DCDC2C: variants seen among roughly 807,000 people sequenced by gnomAD.
DCDC2C encodes doublecortin domain containing 2C, also known as doublecortin domain-containing protein 2C.
Under a neutral mutation model 45.0 loss-of-function variants are expected in DCDC2C, and 44 were observed. That is an observed-to-expected ratio of 0.98 (90% CI 0.77 to 1.26). The LOEUF (loss-of-function observed/expected upper bound fraction) is 1.26, where lower values mean the gene tolerates loss of function less well. Among genes scored for constraint, DCDC2C ranks in the 50% most tolerant of loss-of-function variants. The pLI is 0.00. For synonymous variants in DCDC2C, 187 were observed against 178.8 expected, an observed-to-expected ratio of 1.05 and a Z score of -0.37; for missense variants, 447 against 468.9, an observed-to-expected ratio of 0.95 and a Z score of 0.43.
Position 3,821,368 on chromosome 2 carries a change from GT to G in DCDC2C, c.1066-25777del, listed in dbSNP as rs200131147. 1.5e-4 allele frequency among the ~76,000 whole-genome samples: 23 copies of G among 151,634 alleles called. No homozygotes were observed. The East Asian group carries it at 4.3e-3, about 28-fold the overall frequency. ...TGTCTGTAAATCAAGACCATATTAT[GT>G]TTTTTTTTCCTATGTGGATGCTTTA... On this transcript the variant is annotated intron_variant, in intron 10 of 10. Coordinates refer to ENST00000399143, the MANE Select transcript of DCDC2C (RefSeq NM_001287444.2).
At chr2:3,844,360 C>T (rs1268439288) in intron 10 of DCDC2C, 1 of 152,820 alleles carries the variant, frequency 6.5e-6, no homozygotes, top group Non-Finnish European at 1.5e-5. Context: ...CACAGCTGTC[C>T]TCAGGACAGC....
At chr2:3,844,615 G>A (rs553757075) in intron 10 of DCDC2C, 4 of 152,242 alleles carry the variant, frequency 2.6e-5, no homozygotes, top group African/African-American at 4.8e-5. Flanking sequence ...AAATAAAAGC[G>A]GACATTTTTT....
At position 3,826,112 on chromosome 2, in the gene DCDC2C, G is replaced by C. The variant is rs551441654; in HGVS notation, c.1066-21042G>C. ...ATATATTCTGTAATAACCCAGCCAT[G>C]GATGAAAATACTTGTAAGATCCTCT... is the stretch of plus-strand genomic sequence containing the variant. On this transcript the variant is annotated intron_variant, in intron 10 of 10. Transcript: ENST00000399143. 3.3e-5 allele frequency among the ~76,000 whole-genome samples: 5 copies of C among 152,306 alleles called. No homozygotes were observed. The South Asian group carries it at 1.0e-3, about 32-fold the overall frequency.
At chr2:3,751,378 C>A (rs778676154) in intron 4 of DCDC2C, among the ~76,000 whole-genome samples, 49 of 152,230 alleles carry the variant, frequency 3.2e-4, no homozygotes, top group Non-Finnish European at 6.3e-4. Context: ...CATTGGGTTT[C>A]CCATGGAAGC....
chr2:3,744,835 G>A (rs548236455), intron 4 of DCDC2C, among the ~76,000 whole-genome samples: 1 of 152,280 alleles, frequency 6.6e-6, no homozygotes, highest in Non-Finnish European at 1.5e-5. Flanking sequence ...AGATGTTTGT[G>A]CACAAGTCTG....
intron 10 of DCDC2C, among the ~76,000 whole-genome samples, chr2:3,824,744 C>T (rs959250138): frequency 6.6e-6 from 1 of 152,076 alleles, no homozygotes; most frequent in Non-Finnish European, 1.5e-5. Context: ...TTGCCCCTTC[C>T]CTAGCTGTAG....
Position 3,847,873 on chromosome 2 carries a change from C to G in DCDC2C, c.*690C>G, listed in dbSNP as rs1166288746. Reference sequence around the variant, plus strand: ...CCCCCTTCACTCTCTCTCTCCTGCTCTGCCATGTGAAAAAGATTCTTGCTT... The same window carrying G: ...CCCCCTTCACTCTCTCTCTCCTGCTGTGCCATGTGAAAAAGATTCTTGCTT... On this transcript the variant is annotated 3_prime_UTR_variant, in exon 11 of 11. Coordinates refer to ENST00000399143, the MANE Select transcript of DCDC2C (RefSeq NM_001287444.2). 6.6e-6 allele frequency among the ~76,000 whole-genome samples: 1 copy of G among 152,124 alleles called. No individual in the cohort carries two copies. Among genetic ancestry groups the G allele is most frequent in the African/African-American group, 2.4e-5 (1 of 41,426 alleles).
At chr2:3,828,211 G>C (rs572294594) in intron 10 of DCDC2C, among the ~76,000 whole-genome samples, 1 of 152,334 alleles carries the variant, frequency 6.6e-6, no homozygotes, top group Non-Finnish European at 1.5e-5. Context: ...AACCTTGCCA[G>C]ATGGTTATTC....
At chr2:3,800,778 T>C (rs1020867311) in intron 10 of DCDC2C, among the ~76,000 whole-genome samples, 3 of 126,482 alleles carry the variant, frequency 2.4e-5, no homozygotes, top group African/African-American at 7.6e-5. Context: ...GACATTGGCA[T>C]TTTCTCAAAC....
intron 4 of DCDC2C, among the ~76,000 whole-genome samples, chr2:3,744,539 G>A (rs13390246): frequency 6.6e-6 from 1 of 152,294 alleles, no homozygotes; most frequent in Non-Finnish European, 1.5e-5. Flanking sequence ...GGAAAACGCC[G>A]TGCAGCAAGG....
chr2:3,814,894 C>T (rs527737661), intron 10 of DCDC2C, among the ~76,000 whole-genome samples: 1 of 152,370 alleles, frequency 6.6e-6, no homozygotes, highest in South Asian at 2.1e-4. Context: ...TTCCCTGGCT[C>T]CATCAGGGGA....
chr2:3,734,899 G>A lies in DCDC2C; in HGVS notation c.417-7021G>A, dbSNP rs1421743282. On this transcript the variant is annotated intron_variant, in intron 3 of 10. Transcript: ENST00000399143. This position sits in a 1 kb window ranked among gnomAD's most constrained non-coding sequence, Gnocchi z 4.2. ...TCATGAAAGTGTCTTTAGATAGGGGGTTCCTTACTCCCGGGTCCAGGGATG... is the reference window on the plus strand; with the variant it reads ...TCATGAAAGTGTCTTTAGATAGGGGATTCCTTACTCCCGGGTCCAGGGATG... Among the ~76,000 whole-genome samples, 2 of 152,142 alleles carry A rather than the reference G, an allele frequency of 1.3e-5. No individual in the cohort carries two copies. The highest frequency in any genetic ancestry group is 6.5e-5 in the Admixed American group (1 of 15,284).
In DCDC2C at chr2:3,762,162, C is replaced by CTTTTTT. The variant is rs56067833; in HGVS notation, c.727-5582_727-5577dup. On this transcript the variant is annotated intron_variant, in intron 6 of 10. Transcript: ENST00000399143. ...TTGATCCATGTTTTCTTGCTTGAAC[C>CTTTTTT]TTTTTTTTTTTTTTTAACCAAGTGC... is the stretch of plus-strand genomic sequence containing the variant. Among the ~76,000 whole-genome samples the CTTTTTT allele has an allele frequency of 8.1e-4, 103 of 127,654 alleles. 11 individuals are homozygous for CTTTTTT. The South Asian group carries it at 8.6e-3, about 11-fold the overall frequency. The allele number at this position is 127,654 out of a possible 152,430, so 83.7% of individuals were successfully genotyped here.
At chr2:3,731,249 A>G (rs1411134886) in intron 3 of DCDC2C, among the ~76,000 whole-genome samples, 1 of 152,176 alleles carries the variant, frequency 6.6e-6, no homozygotes, top group Non-Finnish European at 1.5e-5. Context: ...GAACCCACTT[A>G]AGACGGCTTC....
At chr2:3,792,510 A>T (rs1171073005) in intron 10 of DCDC2C, among the ~76,000 whole-genome samples, 1 of 152,176 alleles carries the variant, frequency 6.6e-6, no homozygotes, top group Non-Finnish European at 1.5e-5. Flanking sequence ...AACTTTTAAG[A>T]TATATGAATT....
intron 10 of DCDC2C, among the ~76,000 whole-genome samples, chr2:3,838,799 G>A (rs1672143617): frequency 6.6e-6 from 1 of 152,188 alleles, no homozygotes; most frequent in African/African-American, 2.4e-5. Flanking sequence ...AAACATGTAT[G>A]CCTTTTGAAC....
chr2:3,841,927 A>G (rs993406950), intron 10 of DCDC2C, among the ~76,000 whole-genome samples: 2 of 151,628 alleles, frequency 1.3e-5, no homozygotes, highest in African/African-American at 2.4e-5. Context: ...CATTTTTTCC[A>G]TTCAAAATGT....
chr2:3,728,254 C>T (rs190038317), intron 3 of DCDC2C, among the ~76,000 whole-genome samples: 3 of 152,338 alleles, frequency 2.0e-5, no homozygotes, highest in South Asian at 4.1e-4. Context: ...TGGCCCCTTG[C>T]GCTTTTCCTG....
intron 3 of DCDC2C, among the ~76,000 whole-genome samples, chr2:3,730,960 G>T (rs1013205506): frequency 6.6e-6 from 1 of 152,198 alleles, no homozygotes; most frequent in Admixed American, 6.5e-5. Context: ...CTACAAACAG[G>T]TGGCACTGAG....
Sources: gnomAD v4.1 joint callset for allele counts (sites outside exome capture counted in the v4.1 genomes callset) on GRCh38, gnomAD v4.1.1 for gene constraint, Gnocchi (gnomAD v3.1) non-coding constraint, MANE v1.5 for transcripts, NCBI Gene and HGNC (gene_info 2026-07-23, HGNC 2026-07-21) for gene names.